Variants in TMEM268 observed in about 807,000 individuals in gnomAD.
TMEM268 encodes transmembrane protein 268, also known as transmembrane protein C9orf91.
Under a neutral mutation model 39.1 loss-of-function variants are expected in TMEM268, and 24 were observed. The ratio of observed to expected loss-of-function variants is 0.61; its 90% CI spans 0.44 to 0.86. The LOEUF (loss-of-function observed/expected upper bound fraction) is 0.86, where lower values mean the gene tolerates loss of function less well. TMEM268 is among the 40% of genes least tolerant of loss of function. TMEM268 has a pLI of 0.00. For synonymous variants in TMEM268, 176 were observed against 173.5 expected, an observed-to-expected ratio of 1.01 and a Z score of -0.12; for missense variants, 409 against 428.6, an observed-to-expected ratio of 0.95 and a Z score of 0.40.
intron 5 of TMEM268, 84 bp from the exon 6 acceptor site, chr9:114,633,684 G>C (rs1846503243): frequency 3.1e-6 from 2 of 635,286 alleles, no homozygotes; most frequent in African/African-American, 1.9e-5. Flanking sequence ...TCTGGGGGTG[G>C]GATGGTGTGT....
At chr9:114,618,531 C>T (rs558686214) in intron 2 of TMEM268, among the ~76,000 whole-genome samples, 7 of 152,050 alleles carry the variant, frequency 4.6e-5, no homozygotes, top group African/African-American at 1.4e-4. Context: ...GATGTGGTGG[C>T]GGGCGCCTGT....
intron 2 of TMEM268, among the ~76,000 whole-genome samples, chr9:114,621,641 A>G (rs1379873568): frequency 2.0e-5 from 3 of 152,154 alleles, no homozygotes; most frequent in Non-Finnish European, 4.4e-5. Flanking sequence ...AGTGTCAAGG[A>G]GGCCTCTCTG....
intron 2 of TMEM268, chr9:114,622,587 C>T (rs1240414362): frequency 2.4e-6 from 2 of 841,000 alleles, no homozygotes; most frequent in Admixed American, 1.2e-4. Context: ...GTCTCATGGT[C>T]TGGCTTCATC....
intron 2 of TMEM268, among the ~76,000 whole-genome samples, chr9:114,619,609 G>T (rs1845867432): frequency 6.6e-6 from 1 of 152,208 alleles, no homozygotes; most frequent in Non-Finnish European, 1.5e-5. Context: ...GTGGACTGGA[G>T]AGCTGGTCTG....
chr9:114,629,837 T>C (rs1846316379), intron 5 of TMEM268, among the ~76,000 whole-genome samples: 1 of 152,204 alleles, frequency 6.6e-6, no homozygotes, highest in African/African-American at 2.4e-5. Context: ...GGGAACTATA[T>C]GGTGTACTCA....
chr9:114,642,395 T>C (rs947583431), intron 8 of TMEM268, among the ~76,000 whole-genome samples: 2 of 152,156 alleles, frequency 1.3e-5, no homozygotes, highest in Non-Finnish European at 2.9e-5. Flanking sequence ...TATTTAAATG[T>C]AAGCAGTTTC....
intron 8 of TMEM268, among the ~76,000 whole-genome samples, chr9:114,641,763 A>G (rs1163606651): frequency 1.3e-5 from 2 of 152,054 alleles, no homozygotes; most frequent in African/African-American, 4.8e-5. Flanking sequence ...AACCTCCCAA[A>G]TAGCTGGGAT....
chr9:114,606,588 C>T (rs1359392821), upstream of TMEM268, among the ~76,000 whole-genome samples: 2 of 152,178 alleles, frequency 1.3e-5, no homozygotes, highest in Admixed American at 1.3e-4. Context: ...TCAAGGTACT[C>T]TATATACATA....
chr9:114,632,797 C>A (rs555233026), intron 5 of TMEM268, among the ~76,000 whole-genome samples: 1 of 152,194 alleles, frequency 6.6e-6, no homozygotes, highest in Non-Finnish European at 1.5e-5. Flanking sequence ...ACTTTACACA[C>A]AATCTCAGTG....
In TMEM268 at chr9:114,638,726, G is replaced by C; in HGVS notation, c.849G>C (p.Glu283Asp). 1 of 1,570,232 alleles carries C rather than the reference G, an allele frequency of 6.4e-7. No individual in the cohort carries two copies. Among genetic ancestry groups the C allele is most frequent in the Non-Finnish European group, 8.6e-7 (1 of 1,157,842 alleles). The change falls in exon 8 of 9, where the codon GAG (glutamate) becomes GAC (aspartate). Residue 283 changes from glutamate to aspartate, a missense_variant and splice_region_variant. By Grantham distance (45) the Glu-to-Asp change is conservative. Coordinates refer to ENST00000288502, the MANE Select transcript of TMEM268 (RefSeq NM_153045.4). ...LHQLVPEAEP[E>D]EMARQLLAVF... ...AGCTTGTTCCTGAGGCTGAGCCGGA[G>C]GTAACAGGCACTGGGGCTTGTTGGG... is the stretch of plus-strand genomic sequence containing the variant.
intron 8 of TMEM268, among the ~76,000 whole-genome samples, chr9:114,640,608 A>C (rs1242301164): frequency 6.6e-6 from 1 of 152,240 alleles, no homozygotes; most frequent in Non-Finnish European, 1.5e-5. Context: ...GCTGATTCTA[A>C]GTAGGCCAGT....
chr9:114,646,363 G>C lies in TMEM268; in HGVS notation c.*3050G>C. 1 of 152,286 alleles carries C rather than the reference G, an allele frequency of 6.6e-6. No individual in the cohort carries two copies. Among genetic ancestry groups the C allele is most frequent in the Non-Finnish European group, 1.5e-5 (1 of 68,032 alleles). 9.4% of individuals were successfully genotyped at this position (152,286 alleles called of 1,614,324 possible). A position where few individuals can be genotyped will look rare whatever the true frequency, so the allele number is the denominator to read the frequency against. On this transcript the variant is annotated 3_prime_UTR_variant, in exon 9 of 9. Coordinates refer to ENST00000288502, the MANE Select transcript of TMEM268 (RefSeq NM_153045.4). Reference sequence around the variant, plus strand: ...ATTAAATGGTGTAAAAAAATGTCAAGTGCTTGCAACTTTGAATACCAAACT... The same window carrying C: ...ATTAAATGGTGTAAAAAAATGTCAACTGCTTGCAACTTTGAATACCAAACT...
intron 1 of TMEM268, chr9:114,615,499 G>C (rs550446395): frequency 6.5e-6 from 1 of 153,010 alleles, no homozygotes; most frequent in Non-Finnish European, 1.5e-5. Context: ...GAAAAGAGTA[G>C]AACAAGGAGT....
intron 3 of TMEM268, among the ~76,000 whole-genome samples, chr9:114,625,535 C>T (rs1277579506): frequency 6.7e-6 from 1 of 149,738 alleles, no homozygotes; most frequent in Non-Finnish European, 1.5e-5. Context: ...ACCTGTGCTT[C>T]CTGGGTTCAA....
chr9:114,643,395 C>T lies in TMEM268; in HGVS notation c.*82C>T, dbSNP rs1401355637. 2 of 1,316,564 alleles carry T rather than the reference C, an allele frequency of 1.5e-6. No individual in the cohort carries two copies. The highest frequency in any genetic ancestry group is 2.2e-6 in the Non-Finnish European group (2 of 929,982). The allele number at this position is 1,316,564 out of a possible 1,614,324, so 81.6% of individuals were successfully genotyped here. A position where few individuals can be genotyped will look rare whatever the true frequency, so the allele number is the denominator to read the frequency against. On this transcript the variant is annotated 3_prime_UTR_variant, in exon 9 of 9. Coordinates refer to ENST00000288502, the MANE Select transcript of TMEM268 (RefSeq NM_153045.4). Reference sequence around the variant, plus strand: ...GAGCCCAAGATGGCCAATGGGGAGCCCCAGGTGAGGAGAGAAGCATCTGGG... The same window carrying T: ...GAGCCCAAGATGGCCAATGGGGAGCTCCAGGTGAGGAGAGAAGCATCTGGG...
At position 114,646,291 on chromosome 9, in the gene TMEM268, T is replaced by C. The variant is rs1827565102; in HGVS notation, c.*2978T>C. 6.6e-6 allele frequency: 1 copy of C among 152,214 alleles called. No homozygotes were observed. The highest frequency in any genetic ancestry group is 1.9e-4 in the East Asian group (1 of 5,194). The allele number at this position is 152,214 out of a possible 1,614,324, so 9.4% of individuals were successfully genotyped here. A position where few individuals can be genotyped will look rare whatever the true frequency, so the allele number is the denominator to read the frequency against. On this transcript the variant is annotated 3_prime_UTR_variant, in exon 9 of 9. Transcript: ENST00000288502. ...TCCTCTCATTGAGTCTCATTCCTCA[T>C]CTATAGGATGGGAATAAGAGCATGT...
intron 1 of TMEM268, among the ~76,000 whole-genome samples, chr9:114,613,523 TATC>T (rs1845587375): frequency 6.6e-6 from 1 of 152,232 alleles, no homozygotes; most frequent in Non-Finnish European, 1.5e-5. Context: ...CTTCAGTGAT[TATC>T]AAGTGCAGGG....
Position 114,630,909 on chromosome 9 carries a change from T to C in TMEM268, c.474+2659T>C, listed in dbSNP as rs189313957. The stretch of plus-strand genomic sequence containing the variant: ...GCAGATCCCCTCTTCCTGACCATTG[T>C]CACTCTTACTGTTAGCATCCTCTCT... On this transcript the variant is annotated intron_variant, in intron 5 of 8. Coordinates refer to ENST00000288502, the MANE Select transcript of TMEM268 (RefSeq NM_153045.4). Among the ~76,000 whole-genome samples the C allele has an allele frequency of 8.1e-5, 11 of 135,060 alleles. No homozygotes were observed. In the East Asian group the frequency reaches 2.4e-3, roughly 30 times the overall value. 88.6% of individuals were successfully genotyped at this position (135,060 alleles called of 152,430 possible). A position where few individuals can be genotyped will look rare whatever the true frequency, so the allele number is the denominator to read the frequency against.
At chr9:114,634,483 A>G (rs1846543865) in intron 6 of TMEM268, among the ~76,000 whole-genome samples, 1 of 151,904 alleles carries the variant, frequency 6.6e-6, no homozygotes, top group East Asian at 1.9e-4. Context: ...GGTTGGGGGG[A>G]GATCTGAAAG....
Sources: gnomAD v4.1 joint callset for allele counts (sites outside exome capture counted in the v4.1 genomes callset) on GRCh38, gnomAD v4.1.1 for gene constraint, MANE v1.5 for transcripts, NCBI Gene and HGNC (gene_info 2026-07-23, HGNC 2026-07-21) for gene names.